ANO6: variants seen among roughly 807,000 people sequenced by gnomAD.
ANO6 encodes anoctamin-6.
In ANO6, 106 loss-of-function variants were observed where a neutral mutation model predicts 117.5. The ratio of observed to expected loss-of-function variants is 0.90; its 90% CI spans 0.77 to 1.06. The LOEUF (loss-of-function observed/expected upper bound fraction) is 1.06. Ranked by LOEUF, ANO6 falls within the 50% of genes least tolerant of loss-of-function variation. The pLI is 0.00. For synonymous variants in ANO6, 367 were observed against 385.1 expected (o/e 0.95, Z 0.55); for missense variants, 955 against 1,121.1 (o/e 0.85, Z 2.12).
chr12:45,354,223 G>A (rs1210515971), intron 7 of ANO6, among the ~76,000 whole-genome samples: 1 of 145,534 alleles, frequency 6.9e-6, no homozygotes, highest in African/African-American at 2.8e-5. Context: ...CAAAGATCCT[G>A]CTATCCTTTG....
intron 1 of ANO6, among the ~76,000 whole-genome samples, chr12:45,243,424 C>T (rs1445862099): frequency 6.6e-6 from 1 of 152,204 alleles, no homozygotes; most frequent in Non-Finnish European, 1.5e-5. Flanking sequence ...TTACCACTTT[C>T]TTAGTATTGT....
chr12:45,399,288 C>T (rs1942718158), intron 12 of ANO6, among the ~76,000 whole-genome samples: 2 of 152,114 alleles, frequency 1.3e-5, no homozygotes, highest in African/African-American at 2.4e-5. Context: ...CTCCGCCTCC[C>T]GCGTTCAAGT....
At chr12:45,439,802 C>A (rs1943750460) in exon 20 of ANO6, 7 of 1,550,410 alleles carry the variant, frequency 4.5e-6, no homozygotes, top group African/African-American at 2.7e-5. Flanking sequence ...GAACAACTAA[C>A]TTCTGACTTT....
At chr12:45,305,383 C>T (rs1422238628) in intron 2 of ANO6, among the ~76,000 whole-genome samples, 2 of 152,180 alleles carry the variant, frequency 1.3e-5, no homozygotes, top group East Asian at 1.9e-4. Context: ...TTATCTTGAA[C>T]GTTTTCCCAC....
At chr12:45,242,466 G>C (rs1028199180) in intron 1 of ANO6, among the ~76,000 whole-genome samples, 4 of 152,224 alleles carry the variant, frequency 2.6e-5, no homozygotes, top group African/African-American at 9.6e-5. Flanking sequence ...AGTTTTTCCA[G>C]GTACAGACTG....
intron 10 of ANO6, among the ~76,000 whole-genome samples, chr12:45,382,854 G>T (rs1325729664): frequency 1.3e-5 from 2 of 152,224 alleles, no homozygotes; most frequent in East Asian, 3.8e-4. Flanking sequence ...TTTGCTGTGA[G>T]AGGGTCTTGC....
At chr12:45,419,663 A>C (rs1943306838) in intron 17 of ANO6, among the ~76,000 whole-genome samples, 1 of 152,182 alleles carries the variant, frequency 6.6e-6, no homozygotes, top group South Asian at 2.1e-4. Context: ...TAAGCCAAAA[A>C]CATGTCTACT....
chr12:45,426,610 A>G (rs572042469), intron 19 of ANO6, among the ~76,000 whole-genome samples: 2 of 152,182 alleles, frequency 1.3e-5, no homozygotes, highest in Admixed American at 6.5e-5. Context: ...CAAAAATCTG[A>G]GTCAAATTTT....
chr12:45,289,675 A>G (rs1939032732), intron 1 of ANO6, among the ~76,000 whole-genome samples: 1 of 152,288 alleles, frequency 6.6e-6, no homozygotes, highest in South Asian at 2.1e-4. Context: ...GTTAGAGTTT[A>G]TTTGTAGCTG....
chr12:45,401,244 A>G (rs1942778730), intron 12 of ANO6, among the ~76,000 whole-genome samples: 1 of 152,248 alleles, frequency 6.6e-6, no homozygotes, highest in African/African-American at 2.4e-5. Context: ...TACAGTGATT[A>G]AGACAAAAGC....
intron 1 of ANO6, among the ~76,000 whole-genome samples, chr12:45,264,691 A>G (rs1308443191): frequency 1.3e-5 from 2 of 152,210 alleles, no homozygotes; most frequent in South Asian, 4.1e-4. Flanking sequence ...AATACAAAAA[A>G]TTTTTTGTGG....
At chr12:45,351,037 G>A (rs188157025) in intron 7 of ANO6, among the ~76,000 whole-genome samples, 1 of 152,316 alleles carries the variant, frequency 6.6e-6, no homozygotes, top group East Asian at 1.9e-4. Flanking sequence ...TCACATGGTT[G>A]ATCTTCTGGC....
At chr12:45,399,992 A>G (rs1487368972) in intron 12 of ANO6, among the ~76,000 whole-genome samples, 1 of 152,218 alleles carries the variant, frequency 6.6e-6, no homozygotes, top group African/African-American at 2.4e-5. Flanking sequence ...AAGTTTGTAA[A>G]AGCTCTGGGA....
intron 12 of ANO6, among the ~76,000 whole-genome samples, chr12:45,400,268 A>G (rs1942748377): frequency 6.6e-6 from 1 of 152,236 alleles, no homozygotes; most frequent in Non-Finnish European, 1.5e-5. Context: ...TTTATCATTA[A>G]TAATAAACAT....
chr12:45,370,559 T>C (rs568705724), intron 9 of ANO6, among the ~76,000 whole-genome samples: 3 of 152,310 alleles, frequency 2.0e-5, no homozygotes, highest in Middle Eastern at 3.4e-3. Flanking sequence ...ACTTAGAAGA[T>C]TGCATTGACT....
chr12:45,288,691 T>A (rs544578340), intron 1 of ANO6, among the ~76,000 whole-genome samples: 1 of 152,336 alleles, frequency 6.6e-6, no homozygotes, highest in East Asian at 1.9e-4. Flanking sequence ...CAAATATTTG[T>A]TAGAGCTCCT....
chr12:45,362,846 A>T (rs1941589676), intron 8 of ANO6, among the ~76,000 whole-genome samples: 1 of 152,214 alleles, frequency 6.6e-6, no homozygotes, highest in Admixed American at 6.5e-5. Flanking sequence ...TATTATCATC[A>T]TGCAAATTAC....
At chr12:45,233,337 C>T (rs945273487) in intron 1 of ANO6, among the ~76,000 whole-genome samples, 3 of 152,136 alleles carry the variant, frequency 2.0e-5, no homozygotes, top group African/African-American at 7.2e-5. Context: ...CAAATTAAAG[C>T]TTGCTTTGTT....
At chr12:45,216,465 G>C in intron 1 of ANO6, 74 bp downstream of exon 1, 1 of 1,526,254 alleles carries the variant, frequency 6.6e-7, no homozygotes, top group Non-Finnish European at 8.9e-7. Flanking sequence ...ACTGCGCGGG[G>C]GCGCTGTGCT....
Sources: gnomAD v4.1 joint callset for allele counts (sites outside exome capture counted in the v4.1 genomes callset) on GRCh38, gnomAD v4.1.1 for gene constraint, MANE v1.5 for transcripts, NCBI Gene and HGNC (gene_info 2026-07-23, HGNC 2026-07-21) for gene names.